The following SPATA31C2 variants were observed in gnomAD, a reference collection of about 807,000 sequenced individuals.
SPATA31C2 encodes the protein SPATA31 subfamily C member 2, also known as spermatogenesis-associated protein 31C2.
Under a neutral mutation model 11.4 loss-of-function variants are expected in SPATA31C2, and 5 were observed. The observed-to-expected ratio is 0.44, with a 90% confidence interval of 0.23 to 0.92. SPATA31C2 has a LOEUF of 0.92. Among genes scored for constraint, SPATA31C2 ranks in the 40% least tolerant of loss-of-function variants. The probability of loss-of-function intolerance (pLI) is 0.24; values close to 1 mark genes in which losing one functional copy is unlikely to be tolerated. For missense variants in SPATA31C2, 1,353 were observed against 1,368.6 expected, an observed-to-expected ratio of 0.99 and a Z score of 0.18; for synonymous variants, 515 against 538.7, an observed-to-expected ratio of 0.96 and a Z score of 0.61.
rs555754214 is a variant in SPATA31C2 at position 88,129,806 on chromosome 9, C to T, written c.3231G>A (p.Lys1077=). 510 of 1,604,396 alleles carry T rather than the reference C, an allele frequency of 3.2e-4. 2 individuals carry two copies. The South Asian group carries it at 5.2e-3, about 16-fold the overall frequency. The change falls in exon 4 of 4, where the codon AAG becomes AAA. Residue 1077 remains lysine (K), a synonymous_variant. Coordinates refer to ENST00000324915, the MANE Select transcript of SPATA31C2 (RefSeq NM_001350978.3). ...GAAACTGCTGTCTTTGCTGATTTAC[C>T]TTCGAGGCATGGCGCGCATGGCAAA... ...MSLCHARHAS[K]VNQQRQQFQA...
Position 88,131,508 on chromosome 9 carries a change from T to C in SPATA31C2, c.1529A>G (p.Glu510Gly). The change falls in exon 4 of 4, where the codon GAG (glutamate) becomes GGG (glycine). Residue 510 changes from glutamate to glycine, a missense_variant. Physicochemically the swap from Glu to Gly is moderately conservative, Grantham distance 98. This residue lies in a region of SPATA31C2 where 1,075 missense variants were observed against 992.8 expected (regional missense o/e 1.08). Coordinates refer to ENST00000324915, the MANE Select transcript of SPATA31C2 (RefSeq NM_001350978.3). Reference sequence around the variant, plus strand: ...CCCCAGATGTGGGCATGGGTCCCTCTCTAGCTGGAACTTCACCGTCTGTGC... The same window carrying C: ...CCCCAGATGTGGGCATGGGTCCCTCCCTAGCTGGAACTTCACCGTCTGTGC... ...KEAQTVKFQL[E>G]RDPCPHLGQI... The C allele has an allele frequency of 6.2e-7, 1 of 1,611,742 alleles. No individual in the cohort carries two copies. Among genetic ancestry groups the C allele is most frequent in the Non-Finnish European group, 8.5e-7 (1 of 1,179,712 alleles).
rs1297762801 is a variant in SPATA31C2 at position 88,132,293 on chromosome 9, T to C, written c.744A>G (p.Ser248=). Residue 248 remains serine, a synonymous_variant, in exon 4 of 4, where the codon TCA becomes TCG. Coordinates refer to ENST00000324915, the MANE Select transcript of SPATA31C2 (RefSeq NM_001350978.3). ...GGACGGTGTCCAGTGGAAGTGCCAC[T>C]GAGTCACAGTGAGATGGTGTTAACA... The part of the protein sequence containing the change: ...STLLTPSHCD[S]VALPLDTVPQ... The C allele has an allele frequency of 1.9e-6, 3 of 1,610,794 alleles. No individual in the cohort carries two copies. The highest frequency in any genetic ancestry group is 2.2e-5 in the South Asian group (2 of 91,022).
At chr9:88,135,004 T>TGGA in intron 1 of SPATA31C2, 1 of 1,023,044 alleles carries the variant, frequency 9.8e-7, no homozygotes, top group East Asian at 2.8e-5. Context: ...GGCATCCTCG[T>TGGA]GGAGACTAGG....
chr9:88,129,750 T>G lies in SPATA31C2; in HGVS notation c.3287A>C (p.His1096Pro), dbSNP rs772145704. 2 of 1,603,928 alleles carry G rather than the reference T, an allele frequency of 1.2e-6. No individual in the cohort carries two copies. The highest frequency in any genetic ancestry group is 1.7e-6 in the Non-Finnish European group (2 of 1,173,548). ...GTGTTCTGAGTAGAACGGGTGTCTG[T>G]GGTTGCAGGGAAACCCACAGACTGG... ...QAPVCGFPCN[H>P]RHPFYSEHSR... The change falls in exon 4 of 4, where the codon CAC becomes CCC. Residue 1096 changes from histidine to proline, a missense_variant. His to Pro is a moderately conservative substitution (Grantham distance 77). Coordinates refer to ENST00000324915, the MANE Select transcript of SPATA31C2 (RefSeq NM_001350978.3).
At chr9:88,135,031 C>CTA in intron 1 of SPATA31C2, 1 of 775,250 alleles carries the variant, frequency 1.3e-6, no homozygotes, top group Non-Finnish European at 2.0e-6. Context: ...GGCCCAGGCC[C>CTA]GCATCACAGA....
chr9:88,134,334 A>G (rs1825650428), intron 1 of SPATA31C2, among the ~76,000 whole-genome samples: 1 of 132,836 alleles, frequency 7.5e-6, no homozygotes, highest in African/African-American at 2.7e-5. Context: ...CCCCGGTGGG[A>G]GGCCCTCGGG....
In SPATA31C2 at chr9:88,132,334, G is replaced by A. The variant is rs1380181530; in HGVS notation, c.703C>T (p.Leu235=). 3.7e-6 allele frequency: 6 copies of A among 1,611,018 alleles called. No individual in the cohort carries two copies. In the East Asian group the frequency reaches 6.7e-5, roughly 18 times the overall value. ...PPPKGFTPPP[L]RDSTLLTPSH... ...GGTGTTAACAGAGTGGAGTCCCGCA[G>A]GGGAGGAGGAGTGAAGCCTTTCGGA... Residue 235 remains leucine, a synonymous_variant, in exon 4 of 4, where the codon CTG becomes TTG. Coordinates refer to ENST00000324915, the MANE Select transcript of SPATA31C2 (RefSeq NM_001350978.3).
chr9:88,133,509 T>G (rs369141806), intron 2 of SPATA31C2, 85 bp downstream of exon 2: 1 of 1,538,234 alleles, frequency 6.5e-7, no homozygotes, highest in Admixed American at 1.8e-5. Flanking sequence ...CCACCTCAGG[T>G]TTTTTCAACT....
At position 88,131,655 on chromosome 9, in the gene SPATA31C2, C is replaced by T; in HGVS notation, c.1382G>A (p.Gly461Glu). Residue 461 changes from glycine (G) to glutamate (E), a missense_variant, in exon 4 of 4, where the codon GGA becomes GAA. Physicochemically the swap from Gly to Glu is moderately conservative, Grantham distance 98. Coordinates refer to ENST00000324915, the MANE Select transcript of SPATA31C2 (RefSeq NM_001350978.3). ...CAGATCCAGAGACTCTTGGATCCTT[C>T]CACGTTGCCCCATGTGTTGCTCCAG... Reference protein sequence around the residue: ...RQLEQHMGQRGRIQESLDLMQ... With the variant: ...RQLEQHMGQRERIQESLDLMQ... The T allele has an allele frequency of 2.5e-6, 4 of 1,612,010 alleles. No individual in the cohort carries two copies. The highest frequency in any genetic ancestry group is 1.1e-5 in the South Asian group (1 of 90,992).
At chr9:88,136,228 G>C (rs1244422075) in intron 1 of SPATA31C2, among the ~76,000 whole-genome samples, 9 of 144,856 alleles carry the variant, frequency 6.2e-5, no homozygotes, top group East Asian at 3.9e-4. Context: ...CCACCGTGCC[G>C]GGCCTGCTGT....
At chr9:88,134,388 G>A (rs1182487932) in intron 1 of SPATA31C2, among the ~76,000 whole-genome samples, 1 of 149,544 alleles carries the variant, frequency 6.7e-6, no homozygotes, top group Non-Finnish European at 1.5e-5. Flanking sequence ...AAGAGGCTGG[G>A]TCCCGAGCCA....
chr9:88,133,452 C>G, intron 2 of SPATA31C2, 142 bp downstream of exon 2: 1 of 1,208,806 alleles, frequency 8.3e-7, no homozygotes, highest in Non-Finnish European at 1.1e-6. Context: ...TCCGGCGGCA[C>G]AGAATCTGAG....
At position 88,130,081 on chromosome 9, in the gene SPATA31C2, C is replaced by T. The variant is rs1405836971; in HGVS notation, c.2956G>A (p.Glu986Lys). The T allele has an allele frequency of 6.2e-7, 1 of 1,606,952 alleles. No individual in the cohort carries two copies. Among genetic ancestry groups the T allele is most frequent in the Non-Finnish European group, 8.5e-7 (1 of 1,177,272 alleles). The change falls in exon 4 of 4, where the codon GAA becomes AAA. Residue 986 changes from glutamate (E) to lysine (K), a missense_variant. Around this residue, in one of 6 missense-constraint regions of SPATA31C2, gnomAD observed 187 missense variants for 205.8 expected, o/e 0.91. Transcript: ENST00000324915. ...TPQLTPGRKT[E>K]DTRQNEGVQL... ...ACGCCTTCATTCTGACGGGTGTCTT[C>T]TGTTTTCCTGCCTGGGGTAAGTTGA...
intron 1 of SPATA31C2, among the ~76,000 whole-genome samples, chr9:88,136,282 G>A (rs1383614642): frequency 4.9e-5 from 7 of 143,918 alleles, no homozygotes; most frequent in South Asian, 2.3e-4. Flanking sequence ...AAAAGGACTG[G>A]CATTCCTCTG....
chr9:88,129,795 T>G lies in SPATA31C2; in HGVS notation c.3242A>C (p.Gln1081Pro), dbSNP rs1825553215. 6.2e-7 allele frequency: 1 copy of G among 1,604,212 alleles called. No homozygotes were observed. The highest frequency in any genetic ancestry group is 1.3e-5 in the African/African-American group (1 of 74,674). ...GACTGGGGCTTGAAACTGCTGTCTT[T>G]GCTGATTTACCTTCGAGGCATGGCG... is the stretch of plus-strand genomic sequence containing the variant. Reference protein sequence around the residue: ...HARHASKVNQQRQQFQAPVCG... With the variant: ...HARHASKVNQPRQQFQAPVCG... The change falls in exon 4 of 4, where the codon CAA (glutamine) becomes CCA (proline). Residue 1081 changes from glutamine to proline, a missense_variant. Gln to Pro is a moderately conservative substitution (Grantham distance 76, BLOSUM62 -1). Around this residue, in one of 6 missense-constraint regions of SPATA31C2, gnomAD observed 187 missense variants for 205.8 expected, o/e 0.91. Coordinates refer to ENST00000324915, the MANE Select transcript of SPATA31C2 (RefSeq NM_001350978.3).
chr9:88,137,681 C>T (rs1344859219), intron 1 of SPATA31C2, among the ~76,000 whole-genome samples: 6 of 111,060 alleles, frequency 5.4e-5, no homozygotes, highest in African/African-American at 1.6e-4. Flanking sequence ...CCACCATGGA[C>T]GCCATCAGTC....
chr9:88,136,159 T>A (rs1825678537), intron 1 of SPATA31C2, among the ~76,000 whole-genome samples: 1 of 139,290 alleles, frequency 7.2e-6, no homozygotes, highest in Non-Finnish European at 1.5e-5. Flanking sequence ...GGTCTTGTTC[T>A]CCTGACCTTG....
intron 1 of SPATA31C2, among the ~76,000 whole-genome samples, chr9:88,137,430 G>T (rs968090841): frequency 6.8e-6 from 1 of 146,796 alleles, no homozygotes; most frequent in Non-Finnish European, 1.5e-5. Flanking sequence ...TTTGAGACCA[G>T]CCTGGCCATG....
chr9:88,134,414 G>C (rs1563963582), intron 1 of SPATA31C2, among the ~76,000 whole-genome samples: 1 of 150,468 alleles, frequency 6.6e-6, no homozygotes, highest in African/African-American at 2.4e-5. Context: ...CCCAGGAAGG[G>C]ACTGATGAGC....
Sources: allele counts gnomAD v4.1 joint callset (sites outside exome capture counted in the v4.1 genomes callset), GRCh38; gene constraint gnomAD v4.1.1; regional missense constraint gnomAD v4.1.1; transcripts MANE v1.5; gene names NCBI Gene and HGNC (gene_info 2026-07-23, HGNC 2026-07-21).